Variants in RNF217 observed in about 807,000 individuals in gnomAD.
RNF217 encodes E3 ubiquitin-protein ligase RNF217.
RNF217 carries 31 observed loss-of-function variants against 57.8 expected under a neutral mutation model. That is an observed-to-expected ratio of 0.54 (90% CI 0.40 to 0.72). The LOEUF is 0.72. Among genes scored for constraint, RNF217 ranks in the 30% least tolerant of loss-of-function variants. The probability of loss-of-function intolerance (pLI) is 0.00; values close to 1 mark genes in which losing one functional copy is unlikely to be tolerated. For synonymous variants in RNF217, 313 were observed against 294.0 expected (o/e 1.06, Z -0.66); for missense variants, 696 against 708.3 (o/e 0.98, Z 0.20).
rs774991970 is a variant in RNF217 at position 124,962,729 on chromosome 6, C to T, written c.185C>T (p.Ala62Val). 2 of 1,556,488 alleles carry T rather than the reference C, an allele frequency of 1.3e-6. No individual in the cohort carries two copies. Among genetic ancestry groups the T allele is most frequent in the South Asian group, 1.2e-5 (1 of 86,818 alleles). Residue 62 changes from alanine (A) to valine (V), a missense_variant, in exon 1 of 6, where the codon GCG becomes GTG. By Grantham distance (64) the Ala-to-Val change is moderately conservative. This residue lies in a region of RNF217 where 465 missense variants were observed against 386.8 expected (regional missense o/e 1.20). Coordinates refer to ENST00000521654, the MANE Select transcript of RNF217 (RefSeq NM_001286398.3). The surrounding 1 kb of genome is among the most constrained non-coding windows in gnomAD (Gnocchi z 4.6). ...GGGCGSDWGC[A>V]DTSAPEPARS... ...GGCTGCGGAAGCGACTGGGGCTGCG[C>T]GGACACCAGCGCCCCAGAGCCCGCG...
intron 3 of RNF217, among the ~76,000 whole-genome samples, chr6:125,072,077 G>A (rs1410408612): frequency 6.6e-6 from 1 of 152,140 alleles, no homozygotes; most frequent in African/African-American, 2.4e-5. Context: ...CACTGTTAAA[G>A]TGAGACTGAT....
intron 1 of RNF217, among the ~76,000 whole-genome samples, chr6:124,988,210 A>T (rs775613516): frequency 1.3e-5 from 2 of 152,186 alleles, no homozygotes; most frequent in African/African-American, 2.4e-5. Flanking sequence ...TCCCAAAACT[A>T]TCACCCCTGA....
At chr6:125,071,766 A>G (rs974130790) in intron 3 of RNF217, among the ~76,000 whole-genome samples, 7 of 152,166 alleles carry the variant, frequency 4.6e-5, no homozygotes, top group African/African-American at 1.7e-4. Flanking sequence ...CTTATTTGTT[A>G]TAGATAGAAG....
intron 1 of RNF217, among the ~76,000 whole-genome samples, chr6:125,039,338 C>A (rs1481138157): frequency 6.6e-6 from 1 of 151,732 alleles, no homozygotes; most frequent in Non-Finnish European, 1.5e-5. Context: ...CAACAAAGAT[C>A]AAAAAAGACA....
rs1401609633 is a variant in RNF217, at chr6:125,085,636, G to A, written c.*2699G>A. 6.6e-6 allele frequency: 1 copy of A among 151,696 alleles called. No homozygotes were observed. The highest frequency in any genetic ancestry group is 6.6e-5 in the Admixed American group (1 of 15,218). 9.4% of individuals were successfully genotyped at this position (151,696 alleles called of 1,614,324 possible). A position where few individuals can be genotyped will look rare whatever the true frequency, so the allele number is the denominator to read the frequency against. On this transcript the variant is annotated 3_prime_UTR_variant, in exon 6 of 6. Transcript: ENST00000521654. ...GCTTGTCATTTTATATGCTTTTATT[G>A]TAAATTTAATATATACTACTTTAAA...
intron 4 of RNF217, among the ~76,000 whole-genome samples, chr6:125,078,486 T>C (rs1471128734): frequency 1.3e-5 from 2 of 152,128 alleles, no homozygotes; most frequent in Non-Finnish European, 2.9e-5. Context: ...TGGCTGCATC[T>C]GGTGAGGGCC....
chr6:125,046,029 T>C (rs529573716), intron 2 of RNF217, among the ~76,000 whole-genome samples: 2 of 152,166 alleles, frequency 1.3e-5, no homozygotes, highest in East Asian at 3.9e-4. Context: ...TGTGTACATA[T>C]AGTGTGCTTT....
At chr6:125,017,613 G>A (rs1785660933) in intron 1 of RNF217, among the ~76,000 whole-genome samples, 1 of 152,110 alleles carries the variant, frequency 6.6e-6, no homozygotes. Context: ...CTTGATACTA[G>A]GATTATCTGT....
At chr6:125,065,559 G>A (rs927868998) in intron 3 of RNF217, among the ~76,000 whole-genome samples, 2 of 152,088 alleles carry the variant, frequency 1.3e-5, no homozygotes, top group African/African-American at 4.8e-5. Flanking sequence ...GGGCATGAGA[G>A]CACCTGTTGA....
chr6:125,040,373 C>A (rs1393050878), intron 1 of RNF217, among the ~76,000 whole-genome samples: 2 of 152,120 alleles, frequency 1.3e-5, no homozygotes, highest in African/African-American at 4.8e-5. Context: ...CACATACACC[C>A]TCCCAAGACT....
intron 5 of RNF217, chr6:125,082,454 G>A (rs780003950): frequency 2.5e-6 from 4 of 1,609,606 alleles, no homozygotes; most frequent in South Asian, 2.2e-5. Context: ...TACAGTTGAG[G>A]AAATTAAGAC....
chr6:125,073,520 T>C (rs1321288675), intron 3 of RNF217, among the ~76,000 whole-genome samples: 1 of 152,156 alleles, frequency 6.6e-6, no homozygotes, highest in Non-Finnish European at 1.5e-5. Flanking sequence ...TGGTCTGTCA[T>C]GTAAAAGGAA....
intron 2 of RNF217, among the ~76,000 whole-genome samples, chr6:125,052,284 T>TTGTGTGTGTGTGTGTGTGTGTGTG (rs368469313): frequency 1.4e-5 from 2 of 143,136 alleles, no homozygotes; most frequent in African/African-American, 5.1e-5. Flanking sequence ...GTCATGCGTT[T>TTGTGTGTGTGTGTGTGTGTGTGTG]TGTGTGTGTG....
intron 1 of RNF217, chr6:124,983,269 T>C (rs1784243626): frequency 2.9e-6 from 2 of 691,256 alleles, no homozygotes; most frequent in Non-Finnish European, 3.6e-6. Context: ...TTTAAAAGGC[T>C]TTTGTGTCTT....
intron 2 of RNF217, among the ~76,000 whole-genome samples, chr6:125,050,576 C>T (rs1372569570): frequency 1.3e-5 from 2 of 151,896 alleles, no homozygotes; most frequent in African/African-American, 2.4e-5. Context: ...TCAAATCAAT[C>T]GGTTGTTGCG....
At chr6:125,003,342 TA>T (rs1785057853) in intron 1 of RNF217, among the ~76,000 whole-genome samples, 1 of 152,228 alleles carries the variant, frequency 6.6e-6, no homozygotes, top group Non-Finnish European at 1.5e-5. Context: ...TGATAGGGAT[TA>T]AAATCCCAGC....
chr6:125,034,370 G>A (rs145270781), intron 1 of RNF217, among the ~76,000 whole-genome samples: 5,864 of 152,194 alleles, frequency 0.039, 155 homozygotes, highest in South Asian at 0.082. Context: ...ATTAATTTTT[G>A]TATAAGGTGT....
rs79489741 is a variant in RNF217, at chr6:125,082,661, G to C, written c.1556-203G>C. 507 of 1,522,260 alleles carry C rather than the reference G, an allele frequency of 3.3e-4. 6 individuals are homozygous for C. The East Asian group carries it at 0.011, about 33-fold the overall frequency. 94.3% of individuals were successfully genotyped at this position (1,522,260 alleles called of 1,614,324 possible). Reference sequence around the variant, plus strand: ...GATAGAAATCATTATTATTAAACTGGTATCACTGAGGGTGCTAAAGGGGAG... The same window carrying C: ...GATAGAAATCATTATTATTAAACTGCTATCACTGAGGGTGCTAAAGGGGAG... On this transcript the variant is annotated intron_variant, in intron 5 of 5. Transcript: ENST00000521654.
Position 125,076,700 on chromosome 6 carries a change from C to T in RNF217, c.1325C>T (p.Ser442Leu). 4 of 1,613,392 alleles carry T rather than the reference C, an allele frequency of 2.5e-6. No homozygotes were observed. The highest frequency in any genetic ancestry group is 3.4e-6 in the Non-Finnish European group (4 of 1,179,506). The change falls in exon 4 of 6, where the codon TCA (serine) becomes TTA (leucine). Residue 442 changes from serine to leucine, a missense_variant. Transcript: ENST00000521654. ...RTEGCDHMTC[S>L]QCNTNFCYRC... ...GAAGGATGTGACCATATGACCTGCT[C>T]ACAATGTAACACTAATTTTTGTTAC... is the stretch of plus-strand genomic sequence containing the variant.
Sources: gnomAD v4.1 joint callset for allele counts (sites outside exome capture counted in the v4.1 genomes callset) on GRCh38, gnomAD v4.1.1 for gene constraint, gnomAD v4.1.1 regional missense constraint, Gnocchi (gnomAD v3.1) non-coding constraint, MANE v1.5 for transcripts, NCBI Gene and HGNC (gene_info 2026-07-23, HGNC 2026-07-21) for gene names.